Variants in TRHDE observed in about 807,000 individuals in gnomAD.
The protein encoded by TRHDE is thyrotropin releasing hormone degrading enzyme, also known as thyrotropin-releasing hormone-degrading ectoenzyme.
In TRHDE, 72 loss-of-function variants were observed where a neutral mutation model predicts 125.7. The observed-to-expected ratio is 0.57, with a 90% CI of 0.47 to 0.70. The LOEUF is 0.70. Among genes scored for constraint, TRHDE ranks in the 30% least tolerant of loss-of-function variants. The pLI is 0.00. For missense variants in TRHDE, 1,110 were observed against 1,327.1 expected, an observed-to-expected ratio of 0.84 and a Z score of 2.54; for synonymous variants, 509 against 509.1, an observed-to-expected ratio of 1.00 and a Z score of 0.00.
intron 2 of TRHDE, among the ~76,000 whole-genome samples, chr12:72,212,414 C>G (rs1263146815): frequency 2.6e-5 from 4 of 151,650 alleles, no homozygotes; most frequent in African/African-American, 9.7e-5. Context: ...ATAATAACAT[C>G]AGGAAGTTAA....
chr12:72,589,554 G>A (rs533674018), intron 12 of TRHDE, among the ~76,000 whole-genome samples: 2 of 152,248 alleles, frequency 1.3e-5, no homozygotes, highest in East Asian at 3.9e-4. Flanking sequence ...ATGTGAGCCT[G>A]AAATTCTCTG....
intron 15 of TRHDE, among the ~76,000 whole-genome samples, chr12:72,643,869 A>T (rs978019453): frequency 4.0e-5 from 6 of 151,706 alleles, no homozygotes; most frequent in East Asian, 1.9e-4. Flanking sequence ...GTGGATTTTT[A>T]AAAAAAGTAA....
rs1308616148 is a variant in TRHDE at position 72,664,028 on chromosome 12, A to G, written c.*833A>G. ...AATTTATCTCAACATTATTCTTTCT[A>G]TGTCCTAACTAAATTTCTCAACTGT... On this transcript the variant is annotated 3_prime_UTR_variant, in exon 19 of 19. Coordinates refer to ENST00000261180, the MANE Select transcript of TRHDE (RefSeq NM_013381.3). 6.6e-6 allele frequency: 1 copy of G among 152,082 alleles called. No homozygotes were observed. The highest frequency in any genetic ancestry group is 6.6e-5 in the Admixed American group (1 of 15,244). 9.4% of individuals were successfully genotyped at this position (152,082 alleles called of 1,614,324 possible). A position where few individuals can be genotyped will look rare whatever the true frequency, so the allele number is the denominator to read the frequency against.
At chr12:72,355,512 A>T (rs1024758705) in intron 2 of TRHDE, among the ~76,000 whole-genome samples, 18 of 150,290 alleles carry the variant, frequency 1.2e-4, no homozygotes, top group Admixed American at 8.7e-4. Flanking sequence ...ATTTCATGAC[A>T]AAGACACCAA....
intron 15 of TRHDE, among the ~76,000 whole-genome samples, chr12:72,638,880 A>C (rs1320218504): frequency 2.6e-5 from 4 of 152,002 alleles, no homozygotes; most frequent in South Asian, 2.1e-4. Flanking sequence ...ATCTGCTGTT[A>C]ATCTGATGGG....
chr12:72,169,780 C>T (rs764434184), intron 2 of TRHDE, among the ~76,000 whole-genome samples: 6 of 152,048 alleles, frequency 3.9e-5, no homozygotes, highest in South Asian at 2.1e-4. Flanking sequence ...CCCATTAAAC[C>T]TTAATTACAT....
At chr12:72,245,696 A>G (rs530522663) in intron 2 of TRHDE, among the ~76,000 whole-genome samples, 1 of 152,134 alleles carries the variant, frequency 6.6e-6, no homozygotes, top group Non-Finnish European at 1.5e-5. Flanking sequence ...ATATCAAACT[A>G]TAAGTATATA....
chr12:72,399,602 CT>C (rs1872952434), intron 3 of TRHDE, among the ~76,000 whole-genome samples: 1 of 152,070 alleles, frequency 6.6e-6, no homozygotes, highest in Non-Finnish European at 1.5e-5. Flanking sequence ...CACTATAGTT[CT>C]TGGCAAAAGT....
Position 72,618,878 on chromosome 12 carries a change from T to TG in TRHDE, c.2322-13_2322-12insG. On this transcript the variant is annotated splice_polypyrimidine_tract_variant and intron_variant, in intron 12 of 18. Coordinates refer to ENST00000261180, the MANE Select transcript of TRHDE (RefSeq NM_013381.3). ...GTGCATCATCATGTATCTTTTTTTT[T>TG]TTTTAACTGTAGGGCTGGCTATTTG... 1 of 1,488,966 alleles carries TG rather than the reference T, an allele frequency of 6.7e-7. No individual in the cohort carries two copies. The highest frequency in any genetic ancestry group is 9.0e-7 in the Non-Finnish European group (1 of 1,117,194). The allele number at this position is 1,488,966 out of a possible 1,614,324, so 92.2% of individuals were successfully genotyped here.
At chr12:72,603,203 T>A (rs550208330) in intron 12 of TRHDE, among the ~76,000 whole-genome samples, 8 of 152,182 alleles carry the variant, frequency 5.3e-5, no homozygotes, top group African/African-American at 1.4e-4. Flanking sequence ...CAGTAAAAAA[T>A]TTTATAGATT....
intron 12 of TRHDE, among the ~76,000 whole-genome samples, chr12:72,599,405 T>C (rs1289067224): frequency 6.6e-6 from 1 of 152,136 alleles, no homozygotes; most frequent in Non-Finnish European, 1.5e-5. Flanking sequence ...GACTTTTTAA[T>C]AATAGCCATT....
Position 72,597,729 on chromosome 12 carries a change from A to ATG in TRHDE, c.2322-21161_2322-21160insGT, listed in dbSNP as rs1565804744. Among the ~76,000 whole-genome samples, 15 of 7,516 alleles carry ATG rather than the reference A, an allele frequency of 2.0e-3. 1 individual carries two copies. The highest frequency in any genetic ancestry group is 3.5e-3 in the Non-Finnish European group (12 of 3,390). 4.9% of individuals were successfully genotyped at this position (7,516 alleles called of 152,430 possible). ...TGTGTGTATGTATATATATATATAT[A>ATG]TATATATATATATATATATATATAT... On this transcript the variant is annotated intron_variant, in intron 12 of 18. Transcript: ENST00000261180.
intron 5 of TRHDE, among the ~76,000 whole-genome samples, chr12:72,482,427 T>A (rs1877216350): frequency 6.6e-6 from 1 of 151,960 alleles, no homozygotes. Flanking sequence ...AATCATAGAA[T>A]AATCAGAACA....
chr12:72,621,328 C>G (rs1873043640), intron 14 of TRHDE, 123 bp downstream of exon 14: 2 of 705,272 alleles, frequency 2.8e-6, no homozygotes, highest in Admixed American at 2.6e-5. Context: ...TTACATTTCA[C>G]TTTCCCGAGA....
intron 3 of TRHDE, among the ~76,000 whole-genome samples, chr12:72,465,866 T>C (rs1876348126): frequency 1.3e-5 from 2 of 152,362 alleles, no homozygotes; most frequent in South Asian, 4.1e-4. Flanking sequence ...CAATGTTTTC[T>C]TTATTTTTTC....
intron 2 of TRHDE, among the ~76,000 whole-genome samples, chr12:72,368,995 A>T (rs372525908): frequency 2.6e-4 from 40 of 152,254 alleles, no homozygotes; most frequent in African/African-American, 7.5e-4. Context: ...GCAGCCACCC[A>T]CAGTGTCAGG....
rs1214112055 is a variant in TRHDE, at chr12:72,667,354, A to T, written c.*4159A>T. On this transcript the variant is annotated 3_prime_UTR_variant, in exon 19 of 19. Coordinates refer to ENST00000261180, the MANE Select transcript of TRHDE (RefSeq NM_013381.3). ...TTTTTCATTATCAGAGATAATTATC[A>T]GAGATAATTTTTCATTATCAGAGAT... The T allele has an allele frequency of 2.0e-5, 3 of 151,822 alleles. No homozygotes were observed. The highest frequency in any genetic ancestry group is 7.2e-5 in the African/African-American group (3 of 41,414). The allele number at this position is 151,822 out of a possible 1,614,324, so 9.4% of individuals were successfully genotyped here. A position where few individuals can be genotyped will look rare whatever the true frequency, so the allele number is the denominator to read the frequency against.
chr12:72,662,985 C>A, intron 18 of TRHDE, 67 bp from the exon 19 acceptor site: 1 of 1,468,660 alleles, frequency 6.8e-7, no homozygotes, highest in South Asian at 1.3e-5. Context: ...GATTCTTGTT[C>A]ATGTTTGTTG....
At chr12:72,638,893 T>C (rs1873896537) in intron 15 of TRHDE, among the ~76,000 whole-genome samples, 2 of 152,044 alleles carry the variant, frequency 1.3e-5, no homozygotes, top group Non-Finnish European at 1.5e-5. Context: ...CTGATGGGCT[T>C]CCCTTTGAGG....
Sources: allele counts gnomAD v4.1 joint callset (sites outside exome capture counted in the v4.1 genomes callset), GRCh38; gene constraint gnomAD v4.1.1; transcripts MANE v1.5; gene names NCBI Gene and HGNC (gene_info 2026-07-23, HGNC 2026-07-21).